Variants in MAGI2 observed in about 807,000 individuals in gnomAD.
MAGI2 encodes membrane-associated guanylate kinase, WW and PDZ domain-containing protein 2.
A neutral mutation model predicts 133.3 loss-of-function variants in MAGI2; 35 were observed. The ratio of observed to expected loss-of-function variants is 0.26; its 90% CI spans 0.20 to 0.35. The LOEUF (loss-of-function observed/expected upper bound fraction) is 0.35. MAGI2 is among the 10% of genes least tolerant of loss of function. The pLI, the probability that MAGI2 is intolerant of heterozygous loss-of-function variation, is 1.00. For missense variants in MAGI2, 1,636 were observed against 1,863.4 expected, an observed-to-expected ratio of 0.88 and a Z score of 2.25; for synonymous variants, 729 against 710.6, an observed-to-expected ratio of 1.03 and a Z score of -0.41.
chr7:78,204,536 T>C (rs543007153), intron 10 of MAGI2, among the ~76,000 whole-genome samples: 11 of 152,218 alleles, frequency 7.2e-5, no homozygotes, highest in Admixed American at 1.3e-4. Context: ...TAATAGTTTG[T>C]TTTAGTTTCT....
intron 6 of MAGI2, among the ~76,000 whole-genome samples, chr7:78,457,729 A>G (rs182667630): frequency 4.6e-4 from 70 of 152,308 alleles, no homozygotes; most frequent in African/African-American, 1.5e-3. Flanking sequence ...TAATGTAATA[A>G]TCAATTCTAT....
chr7:79,086,970 G>C (rs971416738), intron 1 of MAGI2, among the ~76,000 whole-genome samples: 6 of 151,622 alleles, frequency 4.0e-5, no homozygotes, highest in African/African-American at 1.5e-4. Flanking sequence ...CACTTGACAA[G>C]TATCTGAGGA....
chr7:78,731,034 T>G (rs1192283381), intron 2 of MAGI2, among the ~76,000 whole-genome samples: 1 of 152,022 alleles, frequency 6.6e-6, no homozygotes, highest in Non-Finnish European at 1.5e-5. Flanking sequence ...GAGAAACAAA[T>G]TCTTTCTTAA....
At position 78,289,822 on chromosome 7, in the gene MAGI2, C is replaced by A. The variant is rs533668706; in HGVS notation, c.1409-33241G>T. The stretch of plus-strand genomic sequence containing the variant: ...ATATTCAACATTCTTAAAGAATTTT[C>A]AACCCAGAATTTCATCTCCAGCCCA... On this transcript the variant is annotated intron_variant, in intron 9 of 21. Transcript: ENST00000354212. Among the ~76,000 whole-genome samples the A allele has an allele frequency of 2.0e-5, 3 of 152,230 alleles. No homozygotes were observed. In the East Asian group the frequency reaches 5.8e-4, roughly 29 times the overall value.
chr7:79,150,947 C>T (rs1417400761), intron 1 of MAGI2, among the ~76,000 whole-genome samples: 1 of 151,914 alleles, frequency 6.6e-6, no homozygotes, highest in Non-Finnish European at 1.5e-5. Context: ...ATGTTTCACA[C>T]TTATTTATCT....
intron 1 of MAGI2, among the ~76,000 whole-genome samples, chr7:79,112,179 C>T (rs1052634254): frequency 1.3e-5 from 2 of 151,818 alleles, no homozygotes; most frequent in African/African-American, 2.4e-5. Context: ...ATCACCTTCC[C>T]GCCTACATCT....
chr7:78,310,879 CATA>C, intron 9 of MAGI2, among the ~76,000 whole-genome samples: 1 of 152,280 alleles, frequency 6.6e-6, no homozygotes, highest in East Asian at 1.9e-4. Context: ...TGATATTTGA[CATA>C]ATGTTGGCAG....
intron 2 of MAGI2, among the ~76,000 whole-genome samples, chr7:78,696,865 T>G (rs557364096): frequency 6.6e-6 from 1 of 152,288 alleles, no homozygotes; most frequent in Admixed American, 6.5e-5. Context: ...AGAGGTTGCT[T>G]GAATAAAGCA....
At chr7:79,337,443 T>G (rs770420907) in intron 1 of MAGI2, among the ~76,000 whole-genome samples, 62 of 152,200 alleles carry the variant, frequency 4.1e-4, no homozygotes, top group Non-Finnish European at 8.5e-4. Flanking sequence ...AGAGTTTCAC[T>G]TTATATGAAG....
chr7:78,060,145 C>T (rs929764141), intron 21 of MAGI2, among the ~76,000 whole-genome samples: 1 of 151,890 alleles, frequency 6.6e-6, no homozygotes, highest in Non-Finnish European at 1.5e-5. Context: ...CTACCTGGAA[C>T]ATTCAAGTAG....
At chr7:78,269,673 C>T (rs978504006) in intron 9 of MAGI2, among the ~76,000 whole-genome samples, 3 of 151,998 alleles carry the variant, frequency 2.0e-5, no homozygotes, top group Non-Finnish European at 2.9e-5. Flanking sequence ...GATATTAGCC[C>T]TTTGTCAGAT....
At chr7:79,135,644 A>T (rs1171927292) in intron 1 of MAGI2, among the ~76,000 whole-genome samples, 1 of 152,080 alleles carries the variant, frequency 6.6e-6, no homozygotes, top group Non-Finnish European at 1.5e-5. Context: ...AATCTTTACA[A>T]AAAGGCTTTG....
At chr7:78,980,075 A>C (rs1472730154) in intron 2 of MAGI2, among the ~76,000 whole-genome samples, 1 of 151,794 alleles carries the variant, frequency 6.6e-6, no homozygotes, top group Admixed American at 6.6e-5. Context: ...CAAAAGGACA[A>C]ACTTTGGAGC....
At chr7:78,546,950 C>A (rs552268042) in intron 3 of MAGI2, among the ~76,000 whole-genome samples, 8 of 152,278 alleles carry the variant, frequency 5.3e-5, no homozygotes, top group African/African-American at 1.9e-4. Flanking sequence ...ACTATTATTG[C>A]CAAGACTTGA....
intron 1 of MAGI2, among the ~76,000 whole-genome samples, chr7:79,053,221 T>A (rs1047343971): frequency 1.3e-5 from 2 of 152,066 alleles, no homozygotes; most frequent in Admixed American, 1.3e-4. Flanking sequence ...GATCCACCCA[T>A]CTTGGCCTCC....
intron 2 of MAGI2, among the ~76,000 whole-genome samples, chr7:78,885,818 T>C (rs907248492): frequency 6.6e-6 from 1 of 152,166 alleles, no homozygotes; most frequent in Non-Finnish European, 1.5e-5. Flanking sequence ...TGAGTATAAC[T>C]CACTACTTGC....
chr7:78,563,711 C>A (rs1437250792), intron 3 of MAGI2, among the ~76,000 whole-genome samples: 1 of 152,192 alleles, frequency 6.6e-6, no homozygotes, highest in Non-Finnish European at 1.5e-5. Context: ...TGCCCATGTG[C>A]TTTTCCATAT....
intron 9 of MAGI2, among the ~76,000 whole-genome samples, chr7:78,317,501 T>G (rs1312007527): frequency 6.6e-6 from 1 of 152,234 alleles, no homozygotes; most frequent in East Asian, 1.9e-4. Flanking sequence ...AAGTGGCATA[T>G]TAAGATACGT....
intron 2 of MAGI2, among the ~76,000 whole-genome samples, chr7:78,895,924 G>T (rs1797179966): frequency 6.6e-6 from 1 of 151,908 alleles, no homozygotes; most frequent in South Asian, 2.1e-4. Flanking sequence ...ATAAGTAAGT[G>T]GATTATAAAT....
Sources: allele counts gnomAD v4.1 joint callset (sites outside exome capture counted in the v4.1 genomes callset), GRCh38; gene constraint gnomAD v4.1.1; transcripts MANE v1.5; gene names NCBI Gene and HGNC (gene_info 2026-07-23, HGNC 2026-07-21).